The following STRN variants were observed in gnomAD, a reference collection of about 807,000 sequenced individuals.
STRN encodes the protein striatin, also known as protein phosphatase 2 regulatory subunit B'''alpha.
A neutral mutation model predicts 96.3 loss-of-function variants in STRN; 53 were observed. The ratio of observed to expected loss-of-function variants is 0.55; its 90% CI spans 0.44 to 0.69. STRN has a LOEUF of 0.69. Among genes scored for constraint, STRN ranks in the 30% least tolerant of loss-of-function variants. The pLI is 0.00. For synonymous variants in STRN, 428 were observed against 355.9 expected, an observed-to-expected ratio of 1.20 and a Z score of -2.28; for missense variants, 987 against 963.9, an observed-to-expected ratio of 1.02 and a Z score of -0.32.
At chr2:36,897,331 T>A (rs1324299262) in intron 6 of STRN, among the ~76,000 whole-genome samples, 1 of 152,060 alleles carries the variant, frequency 6.6e-6, no homozygotes, top group African/African-American at 2.4e-5. Context: ...TATAGCTATG[T>A]GAGTGTAGCT....
At chr2:36,962,141 T>C (rs942363544) in intron 1 of STRN, among the ~76,000 whole-genome samples, 1 of 152,178 alleles carries the variant, frequency 6.6e-6, no homozygotes, top group African/African-American at 2.4e-5. Context: ...ATCTCCGGTA[T>C]CTAGAACAAG....
At chr2:36,887,439 C>T (rs1669270069) in intron 7 of STRN, among the ~76,000 whole-genome samples, 1 of 151,662 alleles carries the variant, frequency 6.6e-6, no homozygotes. Flanking sequence ...CATTGCACTC[C>T]CGCCTGGGCA....
chr2:36,902,345 A>C (rs1438220268), intron 5 of STRN, among the ~76,000 whole-genome samples: 1 of 152,206 alleles, frequency 6.6e-6, no homozygotes, highest in African/African-American at 2.4e-5. Context: ...TTAAGTCAAT[A>C]TACTAAAATC....
rs1440237429 is a variant in STRN, at chr2:36,840,962, T to C, written c.*8494A>G. On this transcript the variant is annotated 3_prime_UTR_variant, in exon 18 of 18. Transcript: ENST00000263918. ...TGAAAATCACAGGAAAGAAAACTTT[T>C]GTGTATTTATTAGCAGAGGCAAGCT... The C allele has an allele frequency of 6.6e-6, 1 of 152,208 alleles. No individual in the cohort carries two copies. The highest frequency in any genetic ancestry group is 1.5e-5 in the Non-Finnish European group (1 of 68,046). The allele number at this position is 152,208 out of a possible 1,614,324, so 9.4% of individuals were successfully genotyped here. A position where few individuals can be genotyped will look rare whatever the true frequency, so the allele number is the denominator to read the frequency against.
At chr2:36,932,086 C>T (rs1244550524) in intron 1 of STRN, among the ~76,000 whole-genome samples, 1 of 152,094 alleles carries the variant, frequency 6.6e-6, no homozygotes, top group African/African-American at 2.4e-5. Context: ...TCCCAAAGTG[C>T]TGGAAATACA....
intron 2 of STRN, among the ~76,000 whole-genome samples, chr2:36,916,609 TA>T (rs1288339739): frequency 1.3e-5 from 2 of 152,162 alleles, no homozygotes; most frequent in Non-Finnish European, 2.9e-5. Flanking sequence ...ACTTGTCAGA[TA>T]ATCATGATTT....
chr2:36,884,486 C>A (rs895921720), intron 8 of STRN, among the ~76,000 whole-genome samples: 1 of 152,104 alleles, frequency 6.6e-6, no homozygotes. Flanking sequence ...CTATGGTACC[C>A]GAGGTGAAGT....
chr2:36,863,228 T>C (rs1457649896), intron 12 of STRN, among the ~76,000 whole-genome samples: 2 of 152,148 alleles, frequency 1.3e-5, no homozygotes, highest in African/African-American at 2.4e-5. Flanking sequence ...TTGCTTTTGG[T>C]GTCTTCATCA....
chr2:36,874,156 T>C (rs989409594), intron 10 of STRN, among the ~76,000 whole-genome samples: 2 of 148,938 alleles, frequency 1.3e-5, no homozygotes, highest in Admixed American at 6.7e-5. Flanking sequence ...CCCAGCTACA[T>C]GGATGGCTGA....
At chr2:36,934,568 T>C (rs1474721692) in intron 1 of STRN, among the ~76,000 whole-genome samples, 1 of 152,204 alleles carries the variant, frequency 6.6e-6, no homozygotes, top group Admixed American at 6.5e-5. Flanking sequence ...TGTTGATAGG[T>C]ATATAATCTC....
At chr2:36,874,613 T>C (rs917404079) in intron 10 of STRN, among the ~76,000 whole-genome samples, 16 of 144,716 alleles carry the variant, frequency 1.1e-4, no homozygotes, top group South Asian at 6.5e-4. Flanking sequence ...CAGATAATAA[T>C]AGTGAAAAAA....
chr2:36,931,323 C>G (rs1670569656), intron 1 of STRN, among the ~76,000 whole-genome samples: 2 of 152,066 alleles, frequency 1.3e-5, no homozygotes. Flanking sequence ...TGGGAAATAC[C>G]TACTTCCCAT....
At chr2:36,890,374 G>C (rs372605578) in intron 7 of STRN, among the ~76,000 whole-genome samples, 2 of 151,826 alleles carry the variant, frequency 1.3e-5, no homozygotes, top group Admixed American at 6.6e-5. Flanking sequence ...TGAAGGTAAT[G>C]GCAAATTTAC....
At position 36,966,497 on chromosome 2, in the gene STRN, G is replaced by A; in HGVS notation, c.-34C>T. ...CAGATACCCGGGGAGCTGCCCCGGC[G>A]CCCAGCAGCGGAGGCAACAGCGGCG... is the stretch of plus-strand genomic sequence containing the variant. On this transcript the variant is annotated 5_prime_UTR_variant, in exon 1 of 18. Transcript: ENST00000263918. 3 of 1,390,592 alleles carry A rather than the reference G, an allele frequency of 2.2e-6. No individual in the cohort carries two copies. The highest frequency in any genetic ancestry group is 2.8e-6 in the Non-Finnish European group (3 of 1,076,460). 86.1% of individuals were successfully genotyped at this position (1,390,592 alleles called of 1,614,324 possible). A position where few individuals can be genotyped will look rare whatever the true frequency, so the allele number is the denominator to read the frequency against.
At chr2:36,861,730 A>AGC (rs1439726159) in intron 12 of STRN, among the ~76,000 whole-genome samples, 2 of 43,134 alleles carry the variant, frequency 4.6e-5, no homozygotes, top group African/African-American at 1.1e-4. Flanking sequence ...TCATTGCGTG[A>AGC]GCACACACAC....
At chr2:36,951,677 T>G (rs968086726) in intron 1 of STRN, among the ~76,000 whole-genome samples, 1 of 152,222 alleles carries the variant, frequency 6.6e-6, no homozygotes, top group Non-Finnish European at 1.5e-5. Context: ...GAACCACTTG[T>G]TAGGCAGCTA....
rs1369075763 is a variant in STRN at position 36,849,818 on chromosome 2, G to GT, written c.2087-19dup. On this transcript the variant is annotated intron_variant, in intron 16 of 17. Coordinates refer to ENST00000263918, the MANE Select transcript of STRN (RefSeq NM_003162.4). ...CAGTTTGCCTTTGGAAAAAGAGATT[G>GT]TTACTCCTTATTAATGCCTTTCCTC... 8.7e-6 allele frequency: 14 copies of GT among 1,611,234 alleles called. No homozygotes were observed. The East Asian group carries it at 3.1e-4, about 36-fold the overall frequency.
intron 13 of STRN, 68 bp from the exon 14 acceptor site, chr2:36,858,091 A>G: frequency 4.4e-6 from 6 of 1,361,754 alleles, no homozygotes; most frequent in Admixed American, 2.4e-5. Context: ...ATTTCAGAGA[A>G]AGTAAAATAT....
chr2:36,853,622 G>A (rs1178944739), intron 15 of STRN, among the ~76,000 whole-genome samples: 4 of 152,096 alleles, frequency 2.6e-5, no homozygotes, highest in Non-Finnish European at 5.9e-5. Context: ...CAGTCAAATC[G>A]CCATTGACAT....
Sources: gnomAD v4.1 joint callset for allele counts (sites outside exome capture counted in the v4.1 genomes callset) on GRCh38, gnomAD v4.1.1 for gene constraint, MANE v1.5 for transcripts, NCBI Gene and HGNC (gene_info 2026-07-23, HGNC 2026-07-21) for gene names.